Variants in MAPK4 observed in about 807,000 individuals in gnomAD.
MAPK4 encodes the protein Erk3-related.
A neutral mutation model predicts 47.7 loss-of-function variants in MAPK4; 22 were observed. That is an observed-to-expected ratio of 0.46 (90% CI 0.33 to 0.66). The LOEUF is 0.66. Ranked by LOEUF, MAPK4 falls within the 30% of genes least tolerant of loss-of-function variation. MAPK4 has a pLI of 0.02. For synonymous variants in MAPK4, 390 were observed against 365.7 expected (o/e 1.07, Z -0.76); for missense variants, 736 against 831.7 (o/e 0.88, Z 1.42).
chr18:50,585,754 T>C (rs572947058), intron 1 of MAPK4, among the ~76,000 whole-genome samples: 1 of 152,306 alleles, frequency 6.6e-6, no homozygotes, highest in East Asian at 1.9e-4. Flanking sequence ...TTAATTGACT[T>C]ACAGTTCCAC....
chr18:50,712,896 A>G lies in MAPK4; in HGVS notation c.547-2183A>G, dbSNP rs544656657. 3.3e-5 allele frequency among the ~76,000 whole-genome samples: 5 copies of G among 152,216 alleles called. No homozygotes were observed. In the South Asian group the frequency reaches 8.3e-4, roughly 25 times the overall value. ...CAGACTATTTTTTTAGAACCCACCC[A>G]CCTAAAAATGAACTTCTACAGACAG... On this transcript the variant is annotated intron_variant, in intron 2 of 5. Coordinates refer to ENST00000400384, the MANE Select transcript of MAPK4 (RefSeq NM_002747.4).
At chr18:50,658,758 C>T (rs2043138244) in intron 1 of MAPK4, among the ~76,000 whole-genome samples, 1 of 152,118 alleles carries the variant, frequency 6.6e-6, no homozygotes, top group South Asian at 2.1e-4. Flanking sequence ...AACCAAGCCT[C>T]ACCTCCTAGG....
intron 1 of MAPK4, among the ~76,000 whole-genome samples, chr18:50,632,252 C>A (rs564694173): frequency 1.8e-4 from 28 of 152,274 alleles, no homozygotes; most frequent in Admixed American, 5.9e-4. Flanking sequence ...TTTCACGTGG[C>A]TGGGAGTTAC....
Position 50,643,467 on chromosome 18 carries a change from G to A in MAPK4, c.-870-19622G>A, listed in dbSNP as rs116243613. On this transcript the variant is annotated intron_variant, in intron 1 of 5. Transcript: ENST00000400384. ...GAACCTGGGAAGCAGAGGTTGCAGCGAGTCGAGGTCGCGCCACTGCGCTCC... is the reference window on the plus strand; with the variant it reads ...GAACCTGGGAAGCAGAGGTTGCAGCAAGTCGAGGTCGCGCCACTGCGCTCC... Among the ~76,000 whole-genome samples the A allele has an allele frequency of 8.0e-3, 1,225 of 152,374 alleles. 16 individuals carry two copies. The highest frequency in any genetic ancestry group is 0.026 in the African/African-American group (1,082 of 41,586).
At position 50,718,911 on chromosome 18, in the gene MAPK4, G is replaced by A. The variant is rs193051415; in HGVS notation, c.692-3027G>A. Among the ~76,000 whole-genome samples, 820 of 151,740 alleles carry A rather than the reference G, an allele frequency of 5.4e-3. 6 individuals carry two copies. Among genetic ancestry groups the A allele is most frequent in the African/African-American group, 7.0e-3 (290 of 41,382 alleles). ...AGTCTGGCCAACATGGTGGAACCCC[G>A]TCTCTACTAAAAATACAAAAAAATT... On this transcript the variant is annotated intron_variant, in intron 3 of 5. Coordinates refer to ENST00000400384, the MANE Select transcript of MAPK4 (RefSeq NM_002747.4).
chr18:50,583,731 G>T (rs1325910673), intron 1 of MAPK4, among the ~76,000 whole-genome samples: 1 of 152,166 alleles, frequency 6.6e-6, no homozygotes, highest in South Asian at 2.1e-4. Flanking sequence ...ATTGTAGGTC[G>T]GGTTTCACTG....
intron 5 of MAPK4, among the ~76,000 whole-genome samples, chr18:50,726,796 A>G (rs560344675): frequency 6.6e-6 from 1 of 151,576 alleles, no homozygotes; most frequent in Non-Finnish European, 1.5e-5. Flanking sequence ...GACACTGGGA[A>G]GGCTGAGGCT....
intron 4 of MAPK4, among the ~76,000 whole-genome samples, chr18:50,723,896 C>T (rs555439511): frequency 6.6e-6 from 1 of 151,568 alleles, no homozygotes. Flanking sequence ...GAAGAATTTC[C>T]TAGTGTTTGG....
intron 1 of MAPK4, among the ~76,000 whole-genome samples, chr18:50,655,648 G>A (rs1210469632): frequency 6.6e-6 from 1 of 152,152 alleles, no homozygotes; most frequent in Non-Finnish European, 1.5e-5. Context: ...TGCCGCCGCT[G>A]AGAGTGAGAC....
At chr18:50,706,398 C>T (rs1430073141) in intron 2 of MAPK4, among the ~76,000 whole-genome samples, 1 of 151,840 alleles carries the variant, frequency 6.6e-6, no homozygotes, top group Non-Finnish European at 1.5e-5. Flanking sequence ...GTTCCCACCC[C>T]CCCGCCTCCG....
At chr18:50,665,709 C>T (rs1939157186) in intron 2 of MAPK4, among the ~76,000 whole-genome samples, 1 of 152,166 alleles carries the variant, frequency 6.6e-6, no homozygotes. Flanking sequence ...GGGCTCCAGC[C>T]CAGGTTTCAG....
At chr18:50,725,890 G>A (rs904676299) in intron 4 of MAPK4, 72 bp from the exon 5 acceptor site, 26 of 1,221,972 alleles carry the variant, frequency 2.1e-5, no homozygotes, top group Admixed American at 1.8e-4. Context: ...GAATGTCACC[G>A]TGCTGAGGAA....
chr18:50,600,908 G>A (rs1408022395), intron 1 of MAPK4, among the ~76,000 whole-genome samples: 1 of 151,604 alleles, frequency 6.6e-6, no homozygotes. Context: ...TTCATTCCTT[G>A]TTCATAAACT....
At chr18:50,668,253 C>T (rs1907720576) in intron 2 of MAPK4, among the ~76,000 whole-genome samples, 1 of 152,178 alleles carries the variant, frequency 6.6e-6, no homozygotes, top group Admixed American at 6.5e-5. Context: ...CCTCCTGGCA[C>T]ATGGATGAAT....
chr18:50,672,723 G>C (rs1165577540), intron 2 of MAPK4, among the ~76,000 whole-genome samples: 1 of 152,186 alleles, frequency 6.6e-6, no homozygotes, highest in African/African-American at 2.4e-5. Flanking sequence ...AAGCCAGCCA[G>C]GGTCCTGAAG....
intron 4 of MAPK4, 50 bp downstream of exon 4, chr18:50,722,149 C>T: frequency 1.9e-6 from 3 of 1,578,198 alleles, no homozygotes; most frequent in Non-Finnish European, 1.7e-6. Context: ...ATGAGCTAGG[C>T]TCCACCTTGC....
intron 1 of MAPK4, among the ~76,000 whole-genome samples, chr18:50,595,054 C>T (rs752569932): frequency 5.9e-5 from 9 of 152,156 alleles, no homozygotes; most frequent in South Asian, 2.1e-4. Flanking sequence ...CTGGCAACGC[C>T]GGATGTTGGC....
intron 1 of MAPK4, among the ~76,000 whole-genome samples, chr18:50,616,470 C>T (rs182830397): frequency 1.2e-4 from 19 of 152,104 alleles, no homozygotes; most frequent in African/African-American, 4.1e-4. Context: ...TCTAAAGGGA[C>T]AAAACTAATA....
At chr18:50,702,161 CAAAA>C (rs36001271) in intron 2 of MAPK4, among the ~76,000 whole-genome samples, 5 of 95,920 alleles carry the variant, frequency 5.2e-5, no homozygotes, top group Admixed American at 1.3e-4. Flanking sequence ...GATTCTGTCT[CAAAA>C]AAAAAAAAAA....
Sources: gnomAD v4.1 joint callset for allele counts (sites outside exome capture counted in the v4.1 genomes callset) on GRCh38, gnomAD v4.1.1 for gene constraint, MANE v1.5 for transcripts, NCBI Gene and HGNC (gene_info 2026-07-23, HGNC 2026-07-21) for gene names.